ATP10B: variants seen among roughly 807,000 people sequenced by gnomAD.
The protein encoded by ATP10B is phospholipid-transporting ATPase VB.
Under a neutral mutation model 141.2 loss-of-function variants are expected in ATP10B, and 122 were observed. That is an observed-to-expected ratio of 0.86 (90% CI 0.75 to 1.00). ATP10B has a LOEUF of 1.00. ATP10B is among the 50% of genes least tolerant of loss of function. The pLI is 0.00. For synonymous variants in ATP10B, 685 were observed against 692.0 expected (o/e 0.99, Z 0.16); for missense variants, 1,876 against 1,825.3 (o/e 1.03, Z -0.51).
chr5:160,842,021 G>A (rs11747982), intron 1 of ATP10B, among the ~76,000 whole-genome samples: 66,343 of 152,012 alleles, frequency 0.44, 16,284 homozygotes, highest in Non-Finnish European at 0.54. Context: ...CATCGCGCCC[G>A]GCCTACAAGG....
chr5:160,755,874 TATATTATA>T (rs1440236932), intron 2 of ATP10B, among the ~76,000 whole-genome samples: 7 of 117,804 alleles, frequency 5.9e-5, no homozygotes, highest in African/African-American at 3.0e-4. Context: ...TATATATATA[TATATTATA>T]ATTTTATGGA....
chr5:160,740,622 A>T (rs1476842597), intron 2 of ATP10B, among the ~76,000 whole-genome samples: 1 of 152,136 alleles, frequency 6.6e-6, no homozygotes, highest in Non-Finnish European at 1.5e-5. Flanking sequence ...CCAGTACTAG[A>T]TTCATTTTTT....
intron 15 of ATP10B, among the ~76,000 whole-genome samples, chr5:160,618,299 T>A (rs536425795): frequency 1.2e-4 from 18 of 152,334 alleles, no homozygotes; most frequent in African/African-American, 3.8e-4. Context: ...ATAATTGAGA[T>A]TCTCAGGTCC....
the ATP10B span, among the ~76,000 whole-genome samples, chr5:160,866,447 G>A: frequency 3.3e-5 from 5 of 152,278 alleles, no homozygotes; most frequent in African/African-American, 7.2e-5. Context: ...GCTGAGGCAG[G>A]TGGATCACCT....
rs1359681810 is a variant in ATP10B, at chr5:160,577,027, T to C, written c.3751-7344A>G. 2.0e-5 allele frequency among the ~76,000 whole-genome samples: 3 copies of C among 152,322 alleles called. No individual in the cohort carries two copies. In the East Asian group the frequency reaches 5.8e-4, roughly 29 times the overall value. On this transcript the variant is annotated intron_variant, in intron 24 of 25. Coordinates refer to ENST00000327245, the MANE Select transcript of ATP10B (RefSeq NM_025153.3). ...AGCTGGAATGCTGATCCCTGTACCT[T>C]CAAGGGTTTGCTAGCTTTAGCTTCC... is the stretch of plus-strand genomic sequence containing the variant.
At chr5:160,815,817 A>G (rs979117688) in intron 1 of ATP10B, among the ~76,000 whole-genome samples, 1 of 152,376 alleles carries the variant, frequency 6.6e-6, no homozygotes, top group African/African-American at 2.4e-5. Context: ...ACTGTCTCTC[A>G]GACCACAGTG....
intron 1 of ATP10B, among the ~76,000 whole-genome samples, chr5:160,811,065 C>A (rs1773120281): frequency 6.6e-6 from 1 of 152,200 alleles, no homozygotes; most frequent in South Asian, 2.1e-4. Context: ...TAGACACACC[C>A]TGGGCCAGAA....
At chr5:160,912,963 G>A in the ATP10B span, among the ~76,000 whole-genome samples, 1 of 152,228 alleles carries the variant, frequency 6.6e-6, no homozygotes, top group Non-Finnish European at 1.5e-5. Flanking sequence ...CTGGCCTCGT[G>A]GGACAAGAGG....
rs1663923255 is a variant in ATP10B, at chr5:160,589,473, G to A, written c.3750+119C>T. The A allele has an allele frequency of 3.9e-6, 3 of 770,432 alleles. No homozygotes were observed. The South Asian group carries it at 4.7e-5, about 12-fold the overall frequency. 47.7% of individuals were successfully genotyped at this position (770,432 alleles called of 1,614,324 possible). A position where few individuals can be genotyped will look rare whatever the true frequency, so the allele number is the denominator to read the frequency against. On this transcript the variant is annotated intron_variant, in intron 24 of 25. Coordinates refer to ENST00000327245, the MANE Select transcript of ATP10B (RefSeq NM_025153.3). The stretch of plus-strand genomic sequence containing the variant: ...CCTGTACAGGTAGGACATAGGGTAG[G>A]AGCTTAGTATGTATTTATTGAGTGG...
chr5:160,820,144 GA>G (rs36088639), intron 1 of ATP10B, among the ~76,000 whole-genome samples: 6 of 148,886 alleles, frequency 4.0e-5, no homozygotes, highest in East Asian at 2.0e-4. Context: ...TGAGATTAAT[GA>G]AAAAAAAAGA....
intron 3 of ATP10B, among the ~76,000 whole-genome samples, chr5:160,700,894 A>G (rs1293038210): frequency 1.3e-5 from 2 of 151,594 alleles, no homozygotes; most frequent in African/African-American, 4.9e-5. Flanking sequence ...GCCCCCTATT[A>G]CCTCTCTCAT....
chr5:160,641,410 G>A (rs1018771857), intron 9 of ATP10B, among the ~76,000 whole-genome samples: 2 of 152,206 alleles, frequency 1.3e-5, no homozygotes, highest in Admixed American at 6.5e-5. Flanking sequence ...CCACTCCTAT[G>A]TTGAAGTTTT....
chr5:160,869,890 AG>A, the ATP10B span, among the ~76,000 whole-genome samples: 1 of 152,202 alleles, frequency 6.6e-6, no homozygotes, highest in South Asian at 2.1e-4. Context: ...GAGCCTGGCC[AG>A]GTGCTCACAG....
intron 3 of ATP10B, among the ~76,000 whole-genome samples, chr5:160,706,655 A>G (rs1228381052): frequency 2.0e-5 from 3 of 152,232 alleles, no homozygotes; most frequent in African/African-American, 7.2e-5. Flanking sequence ...TCAGGTTTAC[A>G]GAAAAATTGC....
At position 160,717,054 on chromosome 5, in the gene ATP10B, A is replaced by G. The variant is rs1337365695; in HGVS notation, c.-330-20T>C. On this transcript the variant is annotated intron_variant, in intron 2 of 25. Transcript: ENST00000327245. The stretch of plus-strand genomic sequence containing the variant: ...CAAGTTCTGTAAGCAAGAAAAGAAA[A>G]TATTGAGTAGGCAACTAACAGTTCA... 2.0e-6 allele frequency: 2 copies of G among 985,188 alleles called. No homozygotes were observed. Among genetic ancestry groups the G allele is most frequent in the Admixed American group, 1.2e-4 (2 of 16,262 alleles). 61.0% of individuals were successfully genotyped at this position (985,188 alleles called of 1,614,324 possible).
At chr5:160,742,744 G>C (rs1463605719) in intron 2 of ATP10B, among the ~76,000 whole-genome samples, 1 of 152,184 alleles carries the variant, frequency 6.6e-6, no homozygotes, top group Non-Finnish European at 1.5e-5. Context: ...GAGTTGTTTA[G>C]GGAATTTGGG....
the ATP10B span, among the ~76,000 whole-genome samples, chr5:160,912,081 G>A: frequency 0.039 from 5,903 of 152,232 alleles, 247 homozygotes; most frequent in East Asian, 0.22. Flanking sequence ...TATAGGTGTT[G>A]AAAGGGTCTG....
At chr5:160,817,245 T>TA (rs1224188731) in intron 1 of ATP10B, among the ~76,000 whole-genome samples, 1 of 152,160 alleles carries the variant, frequency 6.6e-6, no homozygotes, top group Non-Finnish European at 1.5e-5. Flanking sequence ...ATTGTATATC[T>TA]AGAAAACTCC....
chr5:160,764,653 C>G (rs887026983), intron 2 of ATP10B, among the ~76,000 whole-genome samples: 1 of 152,124 alleles, frequency 6.6e-6, no homozygotes, highest in South Asian at 2.1e-4. Context: ...AGAACTGGAA[C>G]AAGACAAGAA....
Sources: gnomAD v4.1 joint callset for allele counts (sites outside exome capture counted in the v4.1 genomes callset) on GRCh38, gnomAD v4.1.1 for gene constraint, MANE v1.5 for transcripts, NCBI Gene and HGNC (gene_info 2026-07-23, HGNC 2026-07-21) for gene names.